Variants in DMRT3 observed in about 807,000 individuals in gnomAD.
DMRT3 encodes the protein doublesex and mab-3 related transcription factor 3, also known as doublesex- and mab-3-related transcription factor 3.
In DMRT3, 29 loss-of-function variants were observed where a neutral mutation model predicts 34.9. The ratio of observed to expected loss-of-function variants is 0.83; its 90% CI spans 0.62 to 1.13. The LOEUF (loss-of-function observed/expected upper bound fraction) is 1.13. DMRT3 is among the 50% of genes most tolerant of loss of function. DMRT3 has a pLI of 0.00. For synonymous variants in DMRT3, 350 were observed against 286.0 expected (o/e 1.22, Z -2.26); for missense variants, 772 against 629.1 (o/e 1.23, Z -2.43).
At chr9:979,322 GA>G (rs1820188326) in intron 1 of DMRT3, among the ~76,000 whole-genome samples, 2 of 152,186 alleles carry the variant, frequency 1.3e-5, no homozygotes, top group Non-Finnish European at 2.9e-5. Flanking sequence ...TGGGAGAATA[GA>G]AAAAGGAAAC....
rs761032961 is a variant in DMRT3, at chr9:990,643, C to T, written c.1057C>T (p.Pro353Ser). The T allele has an allele frequency of 3.1e-6, 5 of 1,614,026 alleles. No individual in the cohort carries two copies. In the African/African-American group the frequency reaches 6.7e-5, roughly 22 times the overall value. Residue 353 changes from proline (P) to serine (S), a missense_variant, in exon 2 of 2, where the codon CCC becomes TCC. Coordinates refer to ENST00000190165, the MANE Select transcript of DMRT3 (RefSeq NM_021240.4). ...CGACTCTAGCAACGTTGTCCCCAGTCCCTTGGCTGGGCCTCTGCAGCCCCC... is the reference window on the plus strand; with the variant it reads ...CGACTCTAGCAACGTTGTCCCCAGTTCCTTGGCTGGGCCTCTGCAGCCCCC... The part of the protein sequence containing the change: ...SADSSNVVPS[P>S]LAGPLQPPFP...
intron 1 of DMRT3, among the ~76,000 whole-genome samples, chr9:978,680 G>T (rs554802702): frequency 6.6e-6 from 1 of 152,332 alleles, no homozygotes; most frequent in South Asian, 2.1e-4. Flanking sequence ...TGACTGGCAG[G>T]TGGAGTTCTG....
intron 1 of DMRT3, among the ~76,000 whole-genome samples, chr9:988,179 T>G (rs965719537): frequency 1.3e-5 from 2 of 152,158 alleles, no homozygotes; most frequent in Non-Finnish European, 2.9e-5. Context: ...TTCTATAGAG[T>G]CATTATATAA....
chr9:981,006 T>C (rs543145671), intron 1 of DMRT3, among the ~76,000 whole-genome samples: 11 of 151,820 alleles, frequency 7.2e-5, no homozygotes, highest in Non-Finnish European at 1.6e-4. Context: ...TAAATGCTTT[T>C]AAAAGGAAAA....
chr9:984,634 A>G (rs1456146905), intron 1 of DMRT3, among the ~76,000 whole-genome samples: 2 of 151,050 alleles, frequency 1.3e-5, no homozygotes, highest in Non-Finnish European at 3.0e-5. Context: ...TTTTTTTTGT[A>G]TTTTTAGTAG....
At chr9:987,282 A>G (rs1324192175) in intron 1 of DMRT3, among the ~76,000 whole-genome samples, 1 of 152,188 alleles carries the variant, frequency 6.6e-6, no homozygotes, top group Non-Finnish European at 1.5e-5. Flanking sequence ...GGTATCGAAT[A>G]TAAGTAGAGT....
chr9:977,683 G>C (rs1820169893), intron 1 of DMRT3, among the ~76,000 whole-genome samples: 1 of 152,232 alleles, frequency 6.6e-6, no homozygotes, highest in African/African-American at 2.4e-5. Flanking sequence ...CCTCCGGGCA[G>C]CCAAACGACG....
At chr9:978,875 T>C (rs1820183332) in intron 1 of DMRT3, among the ~76,000 whole-genome samples, 1 of 152,228 alleles carries the variant, frequency 6.6e-6, no homozygotes, top group African/African-American at 2.4e-5. Flanking sequence ...TTTGTCTGTC[T>C]CATCTTTTTA....
At chr9:987,033 CTTTT>C (rs906275297) in intron 1 of DMRT3, among the ~76,000 whole-genome samples, 1 of 151,852 alleles carries the variant, frequency 6.6e-6, no homozygotes, top group Non-Finnish European at 1.5e-5. Context: ...ATATATTTTT[CTTTT>C]TTTATTGTGG....
chr9:984,459 A>AT (rs895546487), intron 1 of DMRT3, among the ~76,000 whole-genome samples: 20 of 150,060 alleles, frequency 1.3e-4, no homozygotes, highest in South Asian at 8.4e-4. Flanking sequence ...GATTTTTCAC[A>AT]TTTTTTTTTT....
At chr9:982,155 C>G (rs1363718542) in intron 1 of DMRT3, among the ~76,000 whole-genome samples, 2 of 152,238 alleles carry the variant, frequency 1.3e-5, no homozygotes, top group Non-Finnish European at 2.9e-5. Flanking sequence ...CTAGGCCTTC[C>G]TCACCCAGCC....
intron 1 of DMRT3, among the ~76,000 whole-genome samples, chr9:979,960 A>G (rs1041809755): frequency 2.0e-5 from 3 of 152,276 alleles, no homozygotes; most frequent in Non-Finnish European, 4.4e-5. Context: ...CATTAAGTAT[A>G]CAGACCATCA....
At chr9:984,550 G>C (rs987862911) in intron 1 of DMRT3, among the ~76,000 whole-genome samples, 1 of 151,692 alleles carries the variant, frequency 6.6e-6, no homozygotes, top group East Asian at 1.9e-4. Context: ...TCTGCCTCCC[G>C]GGTTCACGCC....
Position 984,549 on chromosome 9 carries a change from C to T in DMRT3, c.455-5492C>T, listed in dbSNP as rs530788373. Among the ~76,000 whole-genome samples the T allele has an allele frequency of 5.1e-3, 781 of 152,006 alleles. 4 individuals are homozygous for T. The highest frequency in any genetic ancestry group is 7.8e-3 in the Non-Finnish European group (533 of 67,976). ...GCAGCTCACTGCAAGCTCTGCCTCC[C>T]GGGTTCACGCCATTCTCCTGCCTCA... On this transcript the variant is annotated intron_variant, in intron 1 of 1. Transcript: ENST00000190165.
At chr9:989,907 A>T in intron 1 of DMRT3, 134 bp from the exon 2 acceptor site, 1 of 1,151,444 alleles carries the variant, frequency 8.7e-7, no homozygotes, top group Non-Finnish European at 1.2e-6. Context: ...TTTTTTAAAA[A>T]GGCTTGTAGT....
chr9:985,708 T>G (rs183615100), intron 1 of DMRT3, among the ~76,000 whole-genome samples: 1 of 152,338 alleles, frequency 6.6e-6, no homozygotes, highest in Admixed American at 6.5e-5. Context: ...AAATTATTGT[T>G]TGGTGAGGAG....
intron 1 of DMRT3, among the ~76,000 whole-genome samples, chr9:983,994 C>A (rs991762701): frequency 6.6e-6 from 1 of 151,520 alleles, no homozygotes; most frequent in African/African-American, 2.4e-5. Flanking sequence ...AGATCGAGAT[C>A]ATTCCCTGGT....
chr9:984,459 AT>A (rs895546487), intron 1 of DMRT3, among the ~76,000 whole-genome samples: 40 of 150,046 alleles, frequency 2.7e-4, no homozygotes, highest in East Asian at 9.8e-4. Flanking sequence ...GATTTTTCAC[AT>A]TTTTTTTTTT....
At chr9:988,850 G>A (rs1384546474) in intron 1 of DMRT3, among the ~76,000 whole-genome samples, 3 of 152,038 alleles carry the variant, frequency 2.0e-5, no homozygotes, top group Non-Finnish European at 2.9e-5. Flanking sequence ...CAGCCAGCGC[G>A]TGTTTCAAAA....
Sources: gnomAD v4.1 joint callset for allele counts (sites outside exome capture counted in the v4.1 genomes callset) on GRCh38, gnomAD v4.1.1 for gene constraint, MANE v1.5 for transcripts, NCBI Gene and HGNC (gene_info 2026-07-23, HGNC 2026-07-21) for gene names.